Variants in RGS12 observed in about 807,000 individuals in gnomAD.
RGS12 encodes the protein regulator of G-protein signaling 12.
A neutral mutation model predicts 120.1 loss-of-function variants in RGS12; 66 were observed. The ratio of observed to expected loss-of-function variants is 0.55; its 90% CI spans 0.45 to 0.67. The LOEUF (loss-of-function observed/expected upper bound fraction) is 0.67. Ranked by LOEUF, RGS12 falls within the 30% of genes least tolerant of loss-of-function variation. The pLI is 0.00. For missense variants in RGS12, 1,859 were observed against 1,957.7 expected (o/e 0.95, Z 0.95); for synonymous variants, 827 against 804.7 (o/e 1.03, Z -0.47).
At position 3,410,348 on chromosome 4, in the gene RGS12, G is replaced by A. The variant is rs867715662; in HGVS notation, c.2021-3724G>A. 2.0e-5 allele frequency among the ~76,000 whole-genome samples: 3 copies of A among 152,214 alleles called. No homozygotes were observed. The South Asian group carries it at 6.2e-4, about 32-fold the overall frequency. On this transcript the variant is annotated intron_variant, in intron 4 of 17. Coordinates refer to ENST00000336727, the MANE Select transcript of RGS12 (RefSeq NM_001394154.1). Reference sequence around the variant, plus strand: ...GCTGGTCTTAAACTCTTGGCCTCAAGTGATCATCCAGCCTGCATGATCTTA... The same window carrying A: ...GCTGGTCTTAAACTCTTGGCCTCAAATGATCATCCAGCCTGCATGATCTTA...
Position 3,316,222 on chromosome 4 carries a change from C to G in RGS12, c.52C>G (p.Pro18Ala). The change falls in exon 2 of 18, where the codon CCA (proline) becomes GCA (alanine). Residue 18 changes from proline (P) to alanine (A), a missense_variant. Pro to Ala is a conservative substitution (Grantham distance 27). Transcript: ENST00000336727. ...SKRPLPGPSP[P>A]RVRSVEVARG... ...ACGCCCATTGCCTGGGCCGTCGCCC[C>G]CAAGGGTGCGGAGTGTGGAGGTTGC... 3 of 1,607,214 alleles carry G rather than the reference C, an allele frequency of 1.9e-6. No individual in the cohort carries two copies. Among genetic ancestry groups the G allele is most frequent in the Non-Finnish European group, 2.6e-6 (3 of 1,175,632 alleles).
intron 17 of RGS12, among the ~76,000 whole-genome samples, chr4:3,435,628 C>T (rs1724733316): frequency 6.6e-6 from 1 of 152,014 alleles, no homozygotes; most frequent in Non-Finnish European, 1.5e-5. Flanking sequence ...TCCGTGGCTC[C>T]CCAGGGGATT....
intron 4 of RGS12, among the ~76,000 whole-genome samples, chr4:3,388,173 C>T (rs1012539359): frequency 6.6e-6 from 1 of 151,320 alleles, no homozygotes; most frequent in African/African-American, 2.4e-5. Flanking sequence ...AGGCCCGTCC[C>T]TCCATGGAGA....
rs1724169619 is a variant in RGS12, at chr4:3,430,595, G to A, written c.3754G>A (p.Glu1252Lys). 5.6e-6 allele frequency: 9 copies of A among 1,612,314 alleles called. No individual in the cohort carries two copies. Among genetic ancestry groups the A allele is most frequent in the Non-Finnish European group, 7.6e-6 (9 of 1,179,724 alleles). ...GAGAAGCGCCACAGGCAACGGCCGG[G>A]AGAGCGCCTCCCAGCCTGGCGAGCA... ...SKRSATGNGR[E>K]SASQPGEQWE... is the part of the protein sequence containing the mutation. Residue 1252 changes from glutamate (E) to lysine (K), a missense_variant, in exon 17 of 18, where the codon GAG becomes AAG. By Grantham distance (56) the Glu-to-Lys change is moderately conservative. This residue lies in a region of RGS12 where 517 missense variants were observed against 488.5 expected (regional missense o/e 1.06). Transcript: ENST00000336727.
At position 3,423,659 on chromosome 4, in the gene RGS12, C is replaced by T. The variant is rs367994826; in HGVS notation, c.3234+18C>T. ...TGAGGCTGGTGAGTGTTGCACGGGG[C>T]CCGGGCGTCGTCACCGCAGGCACTG... is the stretch of plus-strand genomic sequence containing the variant. On this transcript the variant is annotated intron_variant, in intron 13 of 17. Transcript: ENST00000336727. The T allele has an allele frequency of 7.5e-6, 12 of 1,596,296 alleles. No individual in the cohort carries two copies. The African/African-American group carries it at 1.1e-4, about 14-fold the overall frequency.
At chr4:3,328,385 G>A (rs1030489815) in intron 2 of RGS12, among the ~76,000 whole-genome samples, 4 of 152,164 alleles carry the variant, frequency 2.6e-5, no homozygotes, top group Non-Finnish European at 5.9e-5. Flanking sequence ...TACTCCATAC[G>A]TTTAAACAAA....
chr4:3,287,005 T>C, the RGS12 span, among the ~76,000 whole-genome samples: 1 of 151,954 alleles, frequency 6.6e-6, no homozygotes, highest in African/African-American at 2.4e-5. Flanking sequence ...GGTGAATGGG[T>C]TGGGGCCAGC....
chr4:3,307,962 AC>A (rs1054764211), intron 1 of RGS12, among the ~76,000 whole-genome samples: 1 of 152,240 alleles, frequency 6.6e-6, no homozygotes, highest in African/African-American at 2.4e-5. Context: ...AGCCAGACTC[AC>A]CAGGATGACT....
chr4:3,339,056 G>C (rs1712785290), intron 2 of RGS12, among the ~76,000 whole-genome samples: 1 of 152,144 alleles, frequency 6.6e-6, no homozygotes, highest in South Asian at 2.1e-4. Flanking sequence ...CTGCTTGTTA[G>C]ACTTTTCCTT....
chr4:3,363,908 G>A (rs945480384), intron 3 of RGS12, among the ~76,000 whole-genome samples: 25 of 152,100 alleles, frequency 1.6e-4, no homozygotes, highest in Non-Finnish European at 2.6e-4. Context: ...AGCTGGGGAA[G>A]GGCAGTGCCG....
At chr4:3,329,390 G>T (rs1015913632) in intron 2 of RGS12, among the ~76,000 whole-genome samples, 3 of 152,136 alleles carry the variant, frequency 2.0e-5, no homozygotes. Flanking sequence ...AGTTCCTCTG[G>T]GCTCCTGGGG....
intron 13 of RGS12, among the ~76,000 whole-genome samples, chr4:3,424,038 C>T (rs1156365361): frequency 6.6e-6 from 1 of 152,250 alleles, no homozygotes; most frequent in Admixed American, 6.5e-5. Flanking sequence ...AGTGCACGGT[C>T]ACATGGAGAT....
chr4:3,423,109 C>T (rs745724693), intron 12 of RGS12, 131 bp downstream of exon 12: 74 of 508,352 alleles, frequency 1.5e-4, no homozygotes, highest in South Asian at 5.9e-5. Context: ...GGTGTCGGGG[C>T]GGGGGGAGGG....
rs1440768611 is a variant in RGS12, at chr4:3,341,827, G to T, written c.1882-1110G>T. ...GGTGTGGACAGAAGGGAGGGTGGAG[G>T]ATGGAGGTGTGGGCGGAGGGTAGGG... On this transcript the variant is annotated intron_variant, in intron 2 of 17. Coordinates refer to ENST00000336727, the MANE Select transcript of RGS12 (RefSeq NM_001394154.1). Among the ~76,000 whole-genome samples the T allele has an allele frequency of 2.9e-5, 4 of 138,132 alleles. No individual in the cohort carries two copies. The East Asian group carries it at 8.9e-4, about 31-fold the overall frequency. 90.6% of individuals were successfully genotyped at this position (138,132 alleles called of 152,430 possible).
At chr4:3,352,197 G>A (rs953494627) in intron 3 of RGS12, among the ~76,000 whole-genome samples, 10 of 152,106 alleles carry the variant, frequency 6.6e-5, no homozygotes, top group African/African-American at 2.4e-4. Flanking sequence ...AGAGACAAAA[G>A]GTCTTTTATC....
chr4:3,434,724 C>T (rs13131153), intron 17 of RGS12, among the ~76,000 whole-genome samples: 18,014 of 152,264 alleles, frequency 0.12, 1,246 homozygotes, highest in South Asian at 0.27. Context: ...CTTCTGTACG[C>T]GCCATCTTAA....
intron 3 of RGS12, among the ~76,000 whole-genome samples, chr4:3,356,762 G>T (rs1714934239): frequency 6.6e-6 from 1 of 152,090 alleles, no homozygotes; most frequent in Non-Finnish European, 1.5e-5. Flanking sequence ...CTACTGTATG[G>T]ATATACTCAC....
intron 1 of RGS12, among the ~76,000 whole-genome samples, chr4:3,295,546 G>GCTACTCGGGAGGCTGAGACACAAGATT (rs1191702366): frequency 6.6e-6 from 1 of 151,688 alleles, no homozygotes; most frequent in Non-Finnish European, 1.5e-5. Flanking sequence ...TGTAATCCCA[G>GCTACTCGGGAGGCTGAGACACAAGATT]CTACTCGGGA....
chr4:3,420,295 T>C (rs994231129), intron 9 of RGS12: 3 of 326,348 alleles, frequency 9.2e-6, no homozygotes, highest in African/African-American at 4.4e-5. Context: ...TACCGGGACA[T>C]GCACCTGGGT....
Sources: allele counts gnomAD v4.1 joint callset (sites outside exome capture counted in the v4.1 genomes callset), GRCh38; gene constraint gnomAD v4.1.1; regional missense constraint gnomAD v4.1.1; transcripts MANE v1.5; gene names NCBI Gene and HGNC (gene_info 2026-07-23, HGNC 2026-07-21).